PSD3: variants seen among roughly 807,000 people sequenced by gnomAD.
The protein encoded by PSD3 is PH and SEC7 domain-containing protein 3.
In PSD3, 49 loss-of-function variants were observed where a neutral mutation model predicts 105.5. The observed-to-expected ratio is 0.46, with a 90% confidence interval of 0.37 to 0.59. PSD3 has a LOEUF of 0.59. PSD3 is among the 20% of genes least tolerant of loss of function. The probability of loss-of-function intolerance (pLI) is 0.00; values close to 1 mark genes in which losing one functional copy is unlikely to be tolerated. For synonymous variants in PSD3, 557 were observed against 457.8 expected, an observed-to-expected ratio of 1.22 and a Z score of -2.77; for missense variants, 1,561 against 1,263.8, an observed-to-expected ratio of 1.24 and a Z score of -3.57.
At chr8:18,955,310 A>C (rs1823498411) in intron 1 of PSD3, among the ~76,000 whole-genome samples, 1 of 152,122 alleles carries the variant, frequency 6.6e-6, no homozygotes, top group African/African-American at 2.4e-5. Context: ...GCACGATCAT[A>C]GTTCACTGCA....
chr8:18,645,027 C>T lies in PSD3; in HGVS notation c.2216+10615G>A, dbSNP rs528865978. Among the ~76,000 whole-genome samples, 22 of 152,286 alleles carry T rather than the reference C, an allele frequency of 1.4e-4. No homozygotes were observed. The South Asian group carries it at 3.3e-3, about 23-fold the overall frequency. On this transcript the variant is annotated intron_variant, in intron 10 of 15. Transcript: ENST00000327040. ...AGAAGGTCAAGAAAGCGCAAGAGAG[C>T]GAGTTGGGGATCACAGTTGCTTTTA...
intron 1 of PSD3, among the ~76,000 whole-genome samples, chr8:19,034,655 G>A (rs1036899785): frequency 6.6e-6 from 1 of 152,168 alleles, no homozygotes. Context: ...CAGGCTTGTG[G>A]CTTAGAGTGG....
At chr8:18,691,655 C>G (rs1220574137) in intron 9 of PSD3, among the ~76,000 whole-genome samples, 1 of 152,190 alleles carries the variant, frequency 6.6e-6, no homozygotes, top group Non-Finnish European at 1.5e-5. Flanking sequence ...AGGGTGAGTG[C>G]TGAGAAAATA....
rs893535890 is a variant in PSD3 at position 18,988,618 on chromosome 8, C to T, written c.21+24945G>A. Among the ~76,000 whole-genome samples, 23 of 152,250 alleles carry T rather than the reference C, an allele frequency of 1.5e-4. No individual in the cohort carries two copies. In the South Asian group the frequency reaches 4.8e-3, roughly 32 times the overall value. The stretch of plus-strand genomic sequence containing the variant: ...TGCTCACCCAACCCCCAATGCCAAG[C>T]TCCTCCAGAGCTCTATTTCCAATCA... On this transcript the variant is annotated intron_variant, in intron 1 of 15. Coordinates refer to ENST00000327040, the MANE Select transcript of PSD3 (RefSeq NM_015310.4).
intron 15 of PSD3, among the ~76,000 whole-genome samples, chr8:18,548,286 T>C (rs1245228707): frequency 3.3e-5 from 5 of 152,204 alleles, no homozygotes; most frequent in African/African-American, 1.2e-4. Flanking sequence ...AAAATAATTA[T>C]TCTGAATTCT....
chr8:18,645,248 T>A (rs1465155304), intron 10 of PSD3, among the ~76,000 whole-genome samples: 1 of 152,256 alleles, frequency 6.6e-6, no homozygotes, highest in Non-Finnish European at 1.5e-5. Flanking sequence ...TCCTTAATTC[T>A]AACCACTGAA....
chr8:18,750,511 A>C lies in PSD3; in HGVS notation c.2172+14938T>G, dbSNP rs943123132. On this transcript the variant is annotated intron_variant, in intron 9 of 15. Coordinates refer to ENST00000327040, the MANE Select transcript of PSD3 (RefSeq NM_015310.4). ...AACTCATAAAAGCAGCGTGGACCCA[A>C]AGAGTGAGCAGTAGCAAGATTTATT... Among the ~76,000 whole-genome samples, 5 of 152,062 alleles carry C rather than the reference A, an allele frequency of 3.3e-5. No individual in the cohort carries two copies. In the South Asian group the frequency reaches 1.0e-3, roughly 32 times the overall value.
intron 1 of PSD3, among the ~76,000 whole-genome samples, chr8:18,982,233 T>C (rs1388985351): frequency 6.6e-6 from 1 of 152,244 alleles, no homozygotes; most frequent in Non-Finnish European, 1.5e-5. Context: ...CCTGGAATTG[T>C]AGTAATTCAG....
intron 1 of PSD3, among the ~76,000 whole-genome samples, chr8:19,030,021 T>C (rs1273690283): frequency 6.6e-6 from 1 of 152,166 alleles, no homozygotes; most frequent in African/African-American, 2.4e-5. Flanking sequence ...TATGGAATAG[T>C]AGTGATAAGA....
At position 18,593,794 on chromosome 8, in the gene PSD3, C is replaced by T. The variant is rs561153615; in HGVS notation, c.2481+6570G>A. On this transcript the variant is annotated intron_variant, in intron 12 of 15. Transcript: ENST00000327040. ...ATACACCATGGAACACTATGCAGCC[C>T]TAAAAAAGGATGAGTTCATGTCCTT... 5.5e-4 allele frequency among the ~76,000 whole-genome samples: 83 copies of T among 151,604 alleles called. 2 individuals are homozygous for T. Among genetic ancestry groups the T allele is most frequent in the African/African-American group, 2.0e-3 (82 of 41,288 alleles).
intron 11 of PSD3, among the ~76,000 whole-genome samples, chr8:18,605,703 G>T (rs146761454): frequency 9.7e-4 from 148 of 152,268 alleles, no homozygotes; most frequent in African/African-American, 3.4e-3. Flanking sequence ...CCCAGTGTTG[G>T]AGGTGGGGCC....
At chr8:18,740,068 C>G (rs571585465) in intron 9 of PSD3, among the ~76,000 whole-genome samples, 1 of 152,240 alleles carries the variant, frequency 6.6e-6, no homozygotes, top group Admixed American at 6.5e-5. Flanking sequence ...TCCTATCAAC[C>G]AGAGTGGAGG....
chr8:18,895,293 C>T lies in PSD3; in HGVS notation c.131-22560G>A, dbSNP rs112285686. Among the ~76,000 whole-genome samples the T allele has an allele frequency of 7.3e-3, 1,110 of 152,282 alleles. 13 individuals are homozygous for T. Among genetic ancestry groups the T allele is most frequent in the African/African-American group, 0.026 (1,066 of 41,566 alleles). Reference sequence around the variant, plus strand: ...TAACATGTCAAAACCAAAGTGATTGCCTTCCCTGAAAAACTAGCTCATGGT... The same window carrying T: ...TAACATGTCAAAACCAAAGTGATTGTCTTCCCTGAAAAACTAGCTCATGGT... On this transcript the variant is annotated intron_variant, in intron 2 of 15. Coordinates refer to ENST00000327040, the MANE Select transcript of PSD3 (RefSeq NM_015310.4).
chr8:19,078,278 T>A (rs1162746712), intron 1 of PSD3, among the ~76,000 whole-genome samples: 1 of 152,146 alleles, frequency 6.6e-6, no homozygotes, highest in Admixed American at 6.5e-5. Context: ...TATTTATAAA[T>A]CACATCAGGT....
At chr8:18,779,933 G>A (rs1585956093) in intron 8 of PSD3, among the ~76,000 whole-genome samples, 1 of 152,142 alleles carries the variant, frequency 6.6e-6, no homozygotes, top group African/African-American at 2.4e-5. Context: ...TGTCTATCAA[G>A]CGCATTTGAT....
chr8:18,657,023 C>T (rs373956285), intron 9 of PSD3, among the ~76,000 whole-genome samples: 1 of 152,296 alleles, frequency 6.6e-6, no homozygotes, highest in African/African-American at 2.4e-5. Flanking sequence ...CATTTTTCCT[C>T]AAAGAATGAC....
intron 14 of PSD3, among the ~76,000 whole-genome samples, chr8:18,566,392 G>A (rs1050489284): frequency 1.2e-4 from 18 of 152,060 alleles, no homozygotes; most frequent in Admixed American, 1.0e-3. Flanking sequence ...TGGGTATGGT[G>A]GCGGGCGCCT....
chr8:18,713,124 G>T (rs140026727), intron 9 of PSD3, among the ~76,000 whole-genome samples: 1 of 152,200 alleles, frequency 6.6e-6, no homozygotes, highest in East Asian at 1.9e-4. Context: ...AGGTATTGAA[G>T]GAACGTACCT....
At chr8:18,907,139 C>G (rs1369606987) in intron 2 of PSD3, among the ~76,000 whole-genome samples, 1 of 152,116 alleles carries the variant, frequency 6.6e-6, no homozygotes, top group African/African-American at 2.4e-5. Context: ...AAGGTTGTTA[C>G]TGAAAGATAA....
Sources: allele counts gnomAD v4.1 joint callset (sites outside exome capture counted in the v4.1 genomes callset), GRCh38; gene constraint gnomAD v4.1.1; transcripts MANE v1.5; gene names NCBI Gene and HGNC (gene_info 2026-07-23, HGNC 2026-07-21).